SGPP2: variants seen among roughly 807,000 people sequenced by gnomAD.
SGPP2 encodes the protein sphingosine-1-phosphate phosphatase 2.
A neutral mutation model predicts 33.9 loss-of-function variants in SGPP2; 30 were observed. That is an observed-to-expected ratio of 0.89 (90% confidence interval 0.66 to 1.20). The LOEUF (loss-of-function observed/expected upper bound fraction) is 1.20, where lower values mean the gene tolerates loss of function less well. Ranked by LOEUF, SGPP2 falls within the 50% of genes most tolerant of loss-of-function variation. The pLI, the probability that SGPP2 is intolerant of heterozygous loss-of-function variation, is 0.00. For missense variants in SGPP2, 458 were observed against 532.1 expected, an observed-to-expected ratio of 0.86 and a Z score of 1.37; for synonymous variants, 233 against 225.0, an observed-to-expected ratio of 1.04 and a Z score of -0.32.
rs1462201249 is a variant in SGPP2, at chr2:222,475,232, G to A, written c.378+506G>A. Among the ~76,000 whole-genome samples, 9 of 152,076 alleles carry A rather than the reference G, an allele frequency of 5.9e-5. No individual in the cohort carries two copies. The East Asian group carries it at 1.7e-3, about 29-fold the overall frequency. On this transcript the variant is annotated intron_variant, in intron 2 of 4. Coordinates refer to ENST00000321276, the MANE Select transcript of SGPP2 (RefSeq NM_152386.4). ...CTACAGATGTGCACCACCACACGCG[G>A]TTATTTTGGTATTTTTAGTAGAGAT... is the stretch of plus-strand genomic sequence containing the variant.
rs1174010378 is a variant in SGPP2 at position 222,561,234 on chromosome 2, G to C, written c.*2336G>C. Among the ~76,000 whole-genome samples, 5 of 152,134 alleles carry C rather than the reference G, an allele frequency of 3.3e-5. No homozygotes were observed. The highest frequency in any genetic ancestry group is 5.9e-5 in the Non-Finnish European group (4 of 68,030). ...CTGCTTTTACATCAAACTCTGCCCA[G>C]TATTTGCAGCACAACTCAGGGGAAG... On this transcript the variant is annotated 3_prime_UTR_variant, in exon 5 of 5. Transcript: ENST00000321276.
Position 222,476,921 on chromosome 2 carries a change from G to A in SGPP2, c.378+2195G>A, listed in dbSNP as rs1421245895. ...TGTATGTATATAGATGTGTATATAT[G>A]TGTATTGGAGTATATAGGTGTGTAT... On this transcript the variant is annotated intron_variant, in intron 2 of 4. Coordinates refer to ENST00000321276, the MANE Select transcript of SGPP2 (RefSeq NM_152386.4). This position sits in a 1 kb window ranked among gnomAD's most constrained non-coding sequence, Gnocchi z 4.3. 6.6e-6 allele frequency among the ~76,000 whole-genome samples: 1 copy of A among 151,422 alleles called. No homozygotes were observed. Among genetic ancestry groups the A allele is most frequent in the Non-Finnish European group, 1.5e-5 (1 of 67,876 alleles).
chr2:222,507,766 T>C (rs1459090366), intron 2 of SGPP2, among the ~76,000 whole-genome samples: 1 of 152,232 alleles, frequency 6.6e-6, no homozygotes, highest in African/African-American at 2.4e-5. Flanking sequence ...TGCGCTGGTA[T>C]GTAAATACCT....
intron 2 of SGPP2, among the ~76,000 whole-genome samples, chr2:222,490,394 C>A (rs553458846): frequency 1.9e-4 from 29 of 152,232 alleles, no homozygotes; most frequent in Non-Finnish European, 4.1e-4. Flanking sequence ...CCAGCCTTTG[C>A]AATCTAAAAT....
chr2:222,453,515 C>A (rs1359260606), intron 1 of SGPP2, among the ~76,000 whole-genome samples: 3 of 152,120 alleles, frequency 2.0e-5, no homozygotes, highest in Non-Finnish European at 2.9e-5. Context: ...CTCTGCCACC[C>A]CTAAGACAGC....
intron 1 of SGPP2, among the ~76,000 whole-genome samples, chr2:222,470,910 A>G (rs1375720192): frequency 6.6e-6 from 1 of 152,228 alleles, no homozygotes; most frequent in African/African-American, 2.4e-5. Context: ...TCCTTACCTC[A>G]GGCAGTTCAT....
chr2:222,484,205 TTC>T (rs1698070531), intron 2 of SGPP2, among the ~76,000 whole-genome samples: 1 of 152,136 alleles, frequency 6.6e-6, no homozygotes, highest in Non-Finnish European at 1.5e-5. Context: ...AGAAAAATGA[TTC>T]TCTTTTTTTA....
chr2:222,467,407 T>G (rs1697762811), intron 1 of SGPP2, among the ~76,000 whole-genome samples: 1 of 152,222 alleles, frequency 6.6e-6, no homozygotes, highest in Admixed American at 6.5e-5. Flanking sequence ...CAACACGATC[T>G]TGTTTCATCC....
chr2:222,452,702 G>T, intron 1 of SGPP2: 1 of 1,370,746 alleles, frequency 7.3e-7, no homozygotes, highest in East Asian at 2.3e-5. Context: ...AGCTTGAATT[G>T]CTCCAGGTCT....
chr2:222,448,435 G>A (rs915372820), intron 1 of SGPP2, among the ~76,000 whole-genome samples: 3 of 152,166 alleles, frequency 2.0e-5, no homozygotes, highest in African/African-American at 7.2e-5. Flanking sequence ...CAACTGATTG[G>A]GTTTGCACAC....
chr2:222,440,592 C>T (rs955333194), intron 1 of SGPP2, among the ~76,000 whole-genome samples: 1 of 152,120 alleles, frequency 6.6e-6, no homozygotes, highest in Non-Finnish European at 1.5e-5. Flanking sequence ...CTGCCCACCT[C>T]AGCCTCCCAA....
intron 2 of SGPP2, among the ~76,000 whole-genome samples, chr2:222,481,228 G>T (rs1183196644): frequency 6.6e-6 from 1 of 152,014 alleles, no homozygotes; most frequent in African/African-American, 2.4e-5. Context: ...TCCTGCACGT[G>T]TACCCCGACC....
At chr2:222,495,690 G>T (rs1367670913) in intron 2 of SGPP2, among the ~76,000 whole-genome samples, 1 of 152,148 alleles carries the variant, frequency 6.6e-6, no homozygotes, top group Non-Finnish European at 1.5e-5. Flanking sequence ...AAGACCCACA[G>T]ATGCCTCCCT....
intron 1 of SGPP2, among the ~76,000 whole-genome samples, chr2:222,436,643 G>C (rs1291050958): frequency 6.6e-6 from 1 of 152,220 alleles, no homozygotes; most frequent in South Asian, 2.1e-4. Flanking sequence ...AGGCAATGCT[G>C]TGTGGGATAC....
chr2:222,434,685 G>C (rs977548502), intron 1 of SGPP2, among the ~76,000 whole-genome samples: 2 of 152,030 alleles, frequency 1.3e-5, no homozygotes, highest in Non-Finnish European at 2.9e-5. Context: ...TGTCCAAATG[G>C]CAAAAATTTT....
In SGPP2 at chr2:222,508,468, A is replaced by C. The variant is rs530733774; in HGVS notation, c.379-13299A>C. 5.9e-5 allele frequency among the ~76,000 whole-genome samples: 9 copies of C among 152,352 alleles called. No individual in the cohort carries two copies. In the South Asian group the frequency reaches 1.4e-3, roughly 25 times the overall value. On this transcript the variant is annotated intron_variant, in intron 2 of 4. Coordinates refer to ENST00000321276, the MANE Select transcript of SGPP2 (RefSeq NM_152386.4). ...TCTGTAAAATAAGGATGATGTGGAC[A>C]TTGAAATAGATAATGTCTGTGAAAG...
chr2:222,556,155 A>T (rs1553542958), intron 4 of SGPP2, among the ~76,000 whole-genome samples: 1 of 152,194 alleles, frequency 6.6e-6, no homozygotes, highest in African/African-American at 2.4e-5. Flanking sequence ...GCAGCTGCAC[A>T]TTAAGTTGAG....
At chr2:222,526,093 T>A (rs958926472) in intron 4 of SGPP2, among the ~76,000 whole-genome samples, 2 of 152,216 alleles carry the variant, frequency 1.3e-5, no homozygotes, top group Admixed American at 1.3e-4. Context: ...AGGCCAGGCC[T>A]CAGAAGAGGC....
chr2:222,453,254 T>A (rs753014791), intron 1 of SGPP2: 2 of 761,254 alleles, frequency 2.6e-6, no homozygotes, highest in Non-Finnish European at 4.9e-6. Context: ...ATCAGATGCT[T>A]TGAAGCCAGG....
Sources: gnomAD v4.1 joint callset for allele counts (sites outside exome capture counted in the v4.1 genomes callset) on GRCh38, gnomAD v4.1.1 for gene constraint, Gnocchi (gnomAD v3.1) non-coding constraint, MANE v1.5 for transcripts, NCBI Gene and HGNC (gene_info 2026-07-23, HGNC 2026-07-21) for gene names.